Variants in DLC1 observed in about 807,000 individuals in gnomAD.
DLC1 encodes the protein DLC1 Rho GTPase activating protein.
Under a neutral mutation model 140.3 loss-of-function variants are expected in DLC1, and 54 were observed. The ratio of observed to expected loss-of-function variants is 0.38; its 90% CI spans 0.31 to 0.48. DLC1 has a LOEUF of 0.48. Among genes scored for constraint, DLC1 ranks in the 20% least tolerant of loss-of-function variants. The probability of loss-of-function intolerance (pLI) is 0.96; values close to 1 mark genes in which losing one functional copy is unlikely to be tolerated. For missense variants in DLC1, 2,536 were observed against 1,907.0 expected (o/e 1.33, Z -6.14); for synonymous variants, 986 against 728.1 (o/e 1.35, Z -5.70).
chr8:13,425,846 C>T (rs975745964), intron 2 of DLC1, among the ~76,000 whole-genome samples: 2 of 152,180 alleles, frequency 1.3e-5, no homozygotes, highest in Admixed American at 1.3e-4. Flanking sequence ...ACAATCATAG[C>T]TCACTGTAGC....
intron 2 of DLC1, among the ~76,000 whole-genome samples, chr8:13,481,891 CGAA>C (rs930423684): frequency 3.3e-5 from 5 of 152,110 alleles, no homozygotes; most frequent in African/African-American, 1.2e-4. Context: ...CACACACACA[CGAA>C]GAAGCCCATG....
Position 13,191,336 on chromosome 8 carries a change from G to A in DLC1, c.1349-75679C>T, listed in dbSNP as rs192567872. Among the ~76,000 whole-genome samples, 162 of 152,242 alleles carry A rather than the reference G, an allele frequency of 1.1e-3. 1 individual carries two copies. Among genetic ancestry groups the A allele is most frequent in the African/African-American group, 3.3e-3 (138 of 41,556 alleles). On this transcript the variant is annotated intron_variant, in intron 5 of 17. Transcript: ENST00000276297. ...AGCCTGGCCAACATGGTGAAACTCCGTCTCTACTAAAAACACAAAAATCAA... is the reference window on the plus strand; with the variant it reads ...AGCCTGGCCAACATGGTGAAACTCCATCTCTACTAAAAACACAAAAATCAA...
Position 13,114,880 on chromosome 8 carries a change from G to A in DLC1, c.1420+706C>T, listed in dbSNP as rs978297878. Reference sequence around the variant, plus strand: ...TTGAGGGAATGTGGATACACAGATTGGTAAGAGTGAAAATTGGTACGGGCA... The same window carrying A: ...TTGAGGGAATGTGGATACACAGATTAGTAAGAGTGAAAATTGGTACGGGCA... On this transcript the variant is annotated intron_variant, in intron 6 of 17. Transcript: ENST00000276297. Among the ~76,000 whole-genome samples, 5 of 152,116 alleles carry A rather than the reference G, an allele frequency of 3.3e-5. No homozygotes were observed. In the South Asian group the frequency reaches 6.2e-4, roughly 19 times the overall value.
chr8:13,340,222 A>C (rs917073267), intron 4 of DLC1: 2 of 152,236 alleles, frequency 1.3e-5, no homozygotes, highest in East Asian at 3.9e-4. Context: ...TTTTTTTGAG[A>C]TGGAATCTCA....
intron 7 of DLC1, among the ~76,000 whole-genome samples, chr8:13,110,479 G>C (rs931268133): frequency 2.6e-5 from 4 of 152,052 alleles, no homozygotes; most frequent in African/African-American, 9.7e-5. Context: ...CCTGAGAGTT[G>C]TTACTTGTTA....
chr8:13,598,809 T>C (rs958051228), intron 1 of DLC1, among the ~76,000 whole-genome samples: 4 of 152,060 alleles, frequency 2.6e-5, no homozygotes, highest in Non-Finnish European at 5.9e-5. Context: ...TTACACCAAC[T>C]CTGCCTCATT....
intron 3 of DLC1, 30 bp from the exon 4 acceptor site, chr8:13,393,723 G>A: frequency 1.3e-6 from 2 of 1,597,330 alleles, no homozygotes; most frequent in Non-Finnish European, 1.7e-6. Context: ...CTGGTATGAA[G>A]GACATGTGAA....
chr8:13,306,643 G>T (rs1225040828), intron 4 of DLC1, among the ~76,000 whole-genome samples: 2 of 151,788 alleles, frequency 1.3e-5, no homozygotes. Context: ...CAAGAAAAGA[G>T]CATCAATCTT....
intron 3 of DLC1, among the ~76,000 whole-genome samples, chr8:13,394,608 T>C (rs1347225730): frequency 6.6e-6 from 1 of 152,164 alleles, no homozygotes; most frequent in African/African-American, 2.4e-5. Flanking sequence ...CTCTAGGCTT[T>C]TAATCTGAGA....
intron 5 of DLC1, among the ~76,000 whole-genome samples, chr8:13,291,368 A>G (rs940722383): frequency 1.3e-5 from 2 of 152,230 alleles, no homozygotes; most frequent in Non-Finnish European, 2.9e-5. Context: ...TGTTAATTAT[A>G]TATGATTTCA....
At chr8:13,133,231 G>A (rs1050551410) in intron 5 of DLC1, 6 of 1,407,378 alleles carry the variant, frequency 4.3e-6, no homozygotes, top group African/African-American at 1.5e-5. Flanking sequence ...GATGCGGAGA[G>A]GTGCGGCCAT....
intron 3 of DLC1, 127 bp downstream of exon 3, chr8:13,401,343 A>G (rs2117251453): frequency 1.7e-6 from 2 of 1,191,618 alleles, no homozygotes; most frequent in Non-Finnish European, 2.3e-6. Context: ...GGTTATCTTT[A>G]TGGTACTGTA....
chr8:13,119,893 G>T (rs377746274), intron 5 of DLC1, among the ~76,000 whole-genome samples: 1 of 150,656 alleles, frequency 6.6e-6, no homozygotes, highest in African/African-American at 2.4e-5. Flanking sequence ...ACCAGCCTGG[G>T]CAATACAGTG....
intron 2 of DLC1, among the ~76,000 whole-genome samples, chr8:13,411,860 ATT>A (rs779865299): frequency 2.0e-5 from 3 of 151,874 alleles, no homozygotes; most frequent in African/African-American, 7.3e-5. Context: ...CCCTCTTCAC[ATT>A]TTTTTTAGTG....
chr8:13,373,486 C>T (rs1835821207), intron 4 of DLC1, among the ~76,000 whole-genome samples: 1 of 152,146 alleles, frequency 6.6e-6, no homozygotes, highest in Non-Finnish European at 1.5e-5. Flanking sequence ...CTGATCTGTT[C>T]CCTTTCTCAA....
chr8:13,355,331 T>C (rs1671432), intron 4 of DLC1, among the ~76,000 whole-genome samples: 151,005 of 152,316 alleles, frequency 0.99, 74,870 homozygotes, highest in Middle Eastern at 1. Context: ...ACTAAAAATA[T>C]AAACAAATTA....
intron 2 of DLC1, among the ~76,000 whole-genome samples, chr8:13,438,502 G>A (rs1563346659): frequency 6.6e-6 from 1 of 151,876 alleles, no homozygotes; most frequent in African/African-American, 2.4e-5. Context: ...ATAATTCAAC[G>A]CCTTCCTATC....
intron 5 of DLC1, among the ~76,000 whole-genome samples, chr8:13,204,030 G>C (rs1311870153): frequency 1.3e-5 from 2 of 152,110 alleles, no homozygotes; most frequent in Non-Finnish European, 2.9e-5. Flanking sequence ...AATCATTGTA[G>C]TACTCACGGT....
intron 4 of DLC1, among the ~76,000 whole-genome samples, chr8:13,310,185 ACTAT>A (rs1306505005): frequency 3.3e-5 from 5 of 152,148 alleles, no homozygotes; most frequent in African/African-American, 1.2e-4. Flanking sequence ...CAAACAGAGC[ACTAT>A]CTATTTTGTG....
Sources: allele counts gnomAD v4.1 joint callset (sites outside exome capture counted in the v4.1 genomes callset), GRCh38; gene constraint gnomAD v4.1.1; transcripts MANE v1.5; gene names NCBI Gene and HGNC (gene_info 2026-07-23, HGNC 2026-07-21).